SEC62: variants seen among roughly 807,000 people sequenced by gnomAD.
The protein encoded by SEC62 is translocation protein SEC62.
SEC62 carries 10 observed loss-of-function variants against 47.5 expected under a neutral mutation model. The ratio of observed to expected loss-of-function variants is 0.21; its 90% CI spans 0.13 to 0.36. The LOEUF is 0.36. Ranked by LOEUF, SEC62 falls within the 10% of genes least tolerant of loss-of-function variation. SEC62 has a pLI of 1.00. For missense variants in SEC62, 327 were observed against 464.1 expected (o/e 0.70, Z 2.71); for synonymous variants, 136 against 150.5 (o/e 0.90, Z 0.71).
intron 5 of SEC62, among the ~76,000 whole-genome samples, chr3:169,984,492 CA>C (rs1257505081): frequency 3.3e-5 from 5 of 152,126 alleles, no homozygotes; most frequent in Admixed American, 3.3e-4. Context: ...AGATGACTGG[CA>C]GATTGCCAGG....
chr3:169,984,796 G>A (rs1429242321), intron 5 of SEC62, among the ~76,000 whole-genome samples: 1 of 152,076 alleles, frequency 6.6e-6, no homozygotes, highest in Non-Finnish European at 1.5e-5. Flanking sequence ...ACAATAAAGA[G>A]TTCTGGTCAA....
At chr3:169,975,307 A>G (rs1485819933) in intron 1 of SEC62, 1 of 199,012 alleles carries the variant, frequency 5.0e-6, no homozygotes, top group Non-Finnish European at 1.0e-5. Context: ...AAGACCGTAT[A>G]AGAATGAAAG....
intron 7 of SEC62, among the ~76,000 whole-genome samples, chr3:169,991,645 G>A (rs1265646616): frequency 6.6e-6 from 1 of 152,164 alleles, no homozygotes; most frequent in Non-Finnish European, 1.5e-5. Flanking sequence ...TGAGGCTGCA[G>A]CGAGTCATGA....
chr3:169,991,390 A>G (rs1715244630), intron 7 of SEC62, among the ~76,000 whole-genome samples: 1 of 152,092 alleles, frequency 6.6e-6, no homozygotes, highest in Non-Finnish European at 1.5e-5. Flanking sequence ...GAACCTGTCT[A>G]TCAAAGTAGG....
chr3:169,967,517 G>T (rs1314998897), intron 1 of SEC62, among the ~76,000 whole-genome samples: 1 of 152,128 alleles, frequency 6.6e-6, no homozygotes, highest in African/African-American at 2.4e-5. Flanking sequence ...CCACAACCTC[G>T]TTGGTGCTGC....
intron 1 of SEC62, chr3:169,969,296 A>G (rs1486919553): frequency 4.4e-6 from 2 of 456,444 alleles, no homozygotes; most frequent in African/African-American, 2.0e-5. Flanking sequence ...GTATAATTTC[A>G]GATTCTCGTG....
At position 169,995,216 on chromosome 3, in the gene SEC62, G is replaced by A. The variant is rs1375681673; in HGVS notation, c.*2153G>A. The A allele has an allele frequency of 6.6e-6, 1 of 152,020 alleles. No individual in the cohort carries two copies. Among genetic ancestry groups the A allele is most frequent in the Admixed American group, 6.6e-5 (1 of 15,258 alleles). 9.4% of individuals were successfully genotyped at this position (152,020 alleles called of 1,614,324 possible). A position where few individuals can be genotyped will look rare whatever the true frequency, so the allele number is the denominator to read the frequency against. ...ATTTTTTTTTAAGAACTTCAGATTT[G>A]CTATGCTGCTGTAAGTAGAAAGCAT... is the stretch of plus-strand genomic sequence containing the variant. On this transcript the variant is annotated 3_prime_UTR_variant, in exon 8 of 8. Transcript: ENST00000337002.
intron 6 of SEC62, 33 bp downstream of exon 6, chr3:169,985,898 C>T (rs1318651902): frequency 2.7e-6 from 4 of 1,489,046 alleles, no homozygotes; most frequent in Non-Finnish European, 3.7e-6. Flanking sequence ...CTATAAAGTG[C>T]AATCTAAAAT....
At chr3:169,983,353 A>G (rs1386179922) in intron 5 of SEC62, 100 bp downstream of exon 5, 3 of 621,574 alleles carry the variant, frequency 4.8e-6, no homozygotes, top group African/African-American at 3.8e-5. Context: ...TGAGAAATCT[A>G]ATTATGCTCT....
intron 5 of SEC62, among the ~76,000 whole-genome samples, chr3:169,984,924 A>G (rs3755606): frequency 0.19 from 28,478 of 152,120 alleles, 2,712 homozygotes; most frequent in South Asian, 0.23. Context: ...CTGTTGTGTA[A>G]AATAAGAGCC....
rs1715282490 is a variant in SEC62, at chr3:169,992,973, A to G, written c.1110A>G (p.Glu370=). The change falls in exon 8 of 8, where the codon GAA becomes GAG. Residue 370 remains glutamate, a synonymous_variant. Transcript: ENST00000337002. This position sits in a 1 kb window ranked among gnomAD's most constrained non-coding sequence, Gnocchi z 4.0. The stretch of plus-strand genomic sequence containing the variant: ...ATTTTGAAATGATAACAAAAGAGGA[A>G]CTGGAACAGCAAACAGATGGGGATT... The part of the protein sequence containing the change: ...GNDFEMITKE[E]LEQQTDGDCE... 6.2e-7 allele frequency: 1 copy of G among 1,613,970 alleles called. No individual in the cohort carries two copies. Among genetic ancestry groups the G allele is most frequent in the Non-Finnish European group, 8.5e-7 (1 of 1,179,920 alleles).
Position 169,992,799 on chromosome 3 carries a change from G to C in SEC62, c.936G>C (p.Lys312Asn). The stretch of plus-strand genomic sequence containing the variant: ...AACAGAAGTCCGACAGTGAGGAAAA[G>C]TCAGACAGTGAGAAAAAGGAAGATG... Reference protein sequence around the residue: ...KKQQKSDSEEKSDSEKKEDEE... With the variant: ...KKQQKSDSEENSDSEKKEDEE... The change falls in exon 8 of 8, where the codon AAG (lysine) becomes AAC (asparagine). Residue 312 changes from lysine (K) to asparagine (N), a missense_variant. By Grantham distance (94) the Lys-to-Asn change is moderately conservative (BLOSUM62 0). This residue lies in a region of SEC62 where 102 missense variants were observed against 108.8 expected (regional missense o/e 0.94). Transcript: ENST00000337002. The surrounding 1 kb of genome is among the most constrained non-coding windows in gnomAD (Gnocchi z 4.0). 1 of 1,614,078 alleles carries C rather than the reference G, an allele frequency of 6.2e-7. No individual in the cohort carries two copies. The highest frequency in any genetic ancestry group is 2.2e-5 in the East Asian group (1 of 44,874).
chr3:169,995,422 A>G lies in SEC62; in HGVS notation c.*2359A>G, dbSNP rs1715350661. 6.6e-6 allele frequency: 1 copy of G among 152,184 alleles called. No individual in the cohort carries two copies. Among genetic ancestry groups the G allele is most frequent in the Non-Finnish European group, 1.5e-5 (1 of 68,020 alleles). The allele number at this position is 152,184 out of a possible 1,614,324, so 9.4% of individuals were successfully genotyped here. A position where few individuals can be genotyped will look rare whatever the true frequency, so the allele number is the denominator to read the frequency against. On this transcript the variant is annotated 3_prime_UTR_variant, in exon 8 of 8. Transcript: ENST00000337002. The stretch of plus-strand genomic sequence containing the variant: ...CCTCTTACTGGATTTTTCAATTTTC[A>G]AACCATATGGCCTAGGTAACTTTAA...
At chr3:169,985,930 C>G (rs777142150) in intron 6 of SEC62, 65 bp downstream of exon 6, 10 of 1,076,136 alleles carry the variant, frequency 9.3e-6, no homozygotes, top group Non-Finnish European at 1.4e-5. Context: ...TATGCAGATA[C>G]TGTAAAAGAA....
chr3:169,989,925 T>C (rs1715198515), intron 7 of SEC62, among the ~76,000 whole-genome samples: 1 of 148,722 alleles, frequency 6.7e-6, no homozygotes, highest in Admixed American at 6.7e-5. Context: ...TTGAAGTCTT[T>C]ATATATATTA....
intron 3 of SEC62, among the ~76,000 whole-genome samples, chr3:169,982,183 A>T (rs1714990934): frequency 6.6e-6 from 1 of 152,142 alleles, no homozygotes; most frequent in Admixed American, 6.5e-5. Context: ...ATATTTAATC[A>T]TTGCTTAATT....
rs1314939679 is a variant in SEC62 at position 169,993,698 on chromosome 3, C to T, written c.*635C>T. ...TACGTCTGACTGAGAGAAAGATGGT[C>T]GTCTCCAGCAGAGAAAGTGAACAGC... On this transcript the variant is annotated 3_prime_UTR_variant, in exon 8 of 8. Transcript: ENST00000337002. The T allele has an allele frequency of 1.3e-5, 2 of 152,640 alleles. No individual in the cohort carries two copies. Among genetic ancestry groups the T allele is most frequent in the Non-Finnish European group, 2.9e-5 (2 of 68,060 alleles). 9.5% of individuals were successfully genotyped at this position (152,640 alleles called of 1,614,324 possible).
intron 3 of SEC62, among the ~76,000 whole-genome samples, chr3:169,980,911 G>T (rs558660072): frequency 1.3e-5 from 2 of 152,120 alleles, no homozygotes; most frequent in Non-Finnish European, 2.9e-5. Flanking sequence ...ATTTTCATTT[G>T]GAGTGGAAAT....
At chr3:169,980,108 C>A (rs1256521344) in intron 3 of SEC62, among the ~76,000 whole-genome samples, 1 of 151,942 alleles carries the variant, frequency 6.6e-6, no homozygotes, top group Non-Finnish European at 1.5e-5. Context: ...ATGACTTGGT[C>A]CCTACATCAA....
Sources: allele counts gnomAD v4.1 joint callset (sites outside exome capture counted in the v4.1 genomes callset), GRCh38; gene constraint gnomAD v4.1.1; regional missense constraint gnomAD v4.1.1; non-coding constraint Gnocchi (gnomAD v3.1); transcripts MANE v1.5; gene names NCBI Gene and HGNC (gene_info 2026-07-23, HGNC 2026-07-21).